Variants in CELF4 observed in about 807,000 individuals in gnomAD.
CELF4 encodes CUG-BP- and ETR-3-like factor 4.
In CELF4, 18 loss-of-function variants were observed where a neutral mutation model predicts 59.9. The observed-to-expected ratio is 0.30, with a 90% CI of 0.21 to 0.45. The LOEUF (loss-of-function observed/expected upper bound fraction) is 0.45, where lower values mean the gene tolerates loss of function less well. Ranked by LOEUF, CELF4 falls within the 20% of genes least tolerant of loss-of-function variation. CELF4 has a pLI of 1.00. For synonymous variants in CELF4, 261 were observed against 267.1 expected (o/e 0.98, Z 0.22); for missense variants, 456 against 689.0 (o/e 0.66, Z 3.79).
At chr18:37,408,495 G>GA (rs199898211) in intron 2 of CELF4, among the ~76,000 whole-genome samples, 76,196 of 122,052 alleles carry the variant, frequency 0.62, 25,563 homozygotes, top group South Asian at 0.86. Context: ...TTGGTGCCGG[G>GA]GGGGGGCGCG....
At chr18:37,552,165 A>T (rs1244326963) in intron 1 of CELF4, among the ~76,000 whole-genome samples, 1 of 152,214 alleles carries the variant, frequency 6.6e-6, no homozygotes, top group Non-Finnish European at 1.5e-5. Flanking sequence ...TACACGGGAC[A>T]GTTTTATGTT....
At chr18:37,360,147 C>T (rs374774360) in intron 2 of CELF4, among the ~76,000 whole-genome samples, 5 of 152,308 alleles carry the variant, frequency 3.3e-5, no homozygotes, top group African/African-American at 7.2e-5. Flanking sequence ...GCCACCATGC[C>T]GGGCATTTGT....
At chr18:37,501,469 T>C (rs1215673824) in intron 1 of CELF4, among the ~76,000 whole-genome samples, 1 of 152,154 alleles carries the variant, frequency 6.6e-6, no homozygotes, top group Non-Finnish European at 1.5e-5. Context: ...GGGTATCTGT[T>C]AATTGCTCAG....
At chr18:37,444,805 TC>T (rs1163311931) in intron 2 of CELF4, among the ~76,000 whole-genome samples, 1 of 151,972 alleles carries the variant, frequency 6.6e-6, no homozygotes, top group Non-Finnish European at 1.5e-5. Flanking sequence ...CCCTTCTGCC[TC>T]CCCGTACCTC....
intron 3 of CELF4, among the ~76,000 whole-genome samples, chr18:37,309,448 C>T (rs928555071): frequency 6.6e-6 from 1 of 152,142 alleles, no homozygotes; most frequent in Non-Finnish European, 1.5e-5. Context: ...CCCACTGGCT[C>T]TATTTACCTT....
rs1317617630 is a variant in CELF4, at chr18:37,490,823, G to A, written c.287-5216C>T. ...ACCCAAGTGATCCAGGGGCTCTCTG[G>A]GTGGTCTAGGACCTCACCCTGAGCT... is the stretch of plus-strand genomic sequence containing the variant. On this transcript the variant is annotated intron_variant, in intron 1 of 12. Coordinates refer to ENST00000420428, the MANE Select transcript of CELF4 (RefSeq NM_020180.4). Among the ~76,000 whole-genome samples the A allele has an allele frequency of 2.0e-5, 3 of 152,114 alleles. No individual in the cohort carries two copies. In the South Asian group the frequency reaches 6.2e-4, roughly 32 times the overall value.
intron 2 of CELF4, among the ~76,000 whole-genome samples, chr18:37,394,348 G>A (rs1218627938): frequency 6.6e-6 from 1 of 152,206 alleles, no homozygotes; most frequent in Non-Finnish European, 1.5e-5. Flanking sequence ...GCGTGCAGCC[G>A]CCGTGACCTT....
chr18:37,498,438 C>T (rs2099927686), intron 1 of CELF4, among the ~76,000 whole-genome samples: 1 of 146,122 alleles, frequency 6.8e-6, no homozygotes, highest in African/African-American at 2.5e-5. Flanking sequence ...CCCTCCCTTC[C>T]CCTTTCTTCC....
At chr18:37,510,489 G>C (rs1474719728) in intron 1 of CELF4, among the ~76,000 whole-genome samples, 1 of 152,210 alleles carries the variant, frequency 6.6e-6, no homozygotes, top group East Asian at 1.9e-4. Flanking sequence ...AGCCACAGAG[G>C]TTTCCCTCAC....
intron 2 of CELF4, among the ~76,000 whole-genome samples, chr18:37,410,132 A>G (rs1479228594): frequency 3.9e-5 from 6 of 152,110 alleles, no homozygotes; most frequent in Non-Finnish European, 2.9e-5. Flanking sequence ...CATGACAGGA[A>G]AAGGACAGAA....
In CELF4 at chr18:37,332,979, T is replaced by G. The variant is rs1211727209; in HGVS notation, c.370-11098A>C. Reference sequence around the variant, plus strand: ...CCTTGTGGTCTTAATTAAGATCTGCTGCCGTGGCAACCAAGCTAATTAGCC... The same window carrying G: ...CCTTGTGGTCTTAATTAAGATCTGCGGCCGTGGCAACCAAGCTAATTAGCC... On this transcript the variant is annotated intron_variant, in intron 2 of 12. Coordinates refer to ENST00000420428, the MANE Select transcript of CELF4 (RefSeq NM_020180.4). Among the ~76,000 whole-genome samples, 3 of 152,222 alleles carry G rather than the reference T, an allele frequency of 2.0e-5. No individual in the cohort carries two copies. In the East Asian group the frequency reaches 5.8e-4, roughly 29 times the overall value.
chr18:37,354,567 T>C (rs1201708355), intron 2 of CELF4, among the ~76,000 whole-genome samples: 1 of 152,242 alleles, frequency 6.6e-6, no homozygotes, highest in African/African-American at 2.4e-5. Context: ...ATGTATTCTC[T>C]CAGCAAACGC....
chr18:37,550,690 G>T (rs924382933), intron 1 of CELF4, among the ~76,000 whole-genome samples: 9 of 152,244 alleles, frequency 5.9e-5, no homozygotes, highest in African/African-American at 2.2e-4. Flanking sequence ...GCTGCAGCAG[G>T]GGAGGTGGAG....
chr18:37,297,042 C>A (rs993900776), intron 3 of CELF4, among the ~76,000 whole-genome samples: 17 of 152,004 alleles, frequency 1.1e-4, no homozygotes, highest in Admixed American at 8.5e-4. Context: ...ATGTTGACAG[C>A]GAGCAGGGAG....
chr18:37,461,380 G>A (rs2099793061), intron 2 of CELF4, among the ~76,000 whole-genome samples: 1 of 152,212 alleles, frequency 6.6e-6, no homozygotes, highest in South Asian at 2.1e-4. Flanking sequence ...GGAAGGGGAA[G>A]CAAACTCGTT....
intron 2 of CELF4, among the ~76,000 whole-genome samples, chr18:37,348,458 C>T (rs1218247374): frequency 2.0e-5 from 3 of 152,270 alleles, no homozygotes; most frequent in East Asian, 1.9e-4. Context: ...CAGGCGCTTC[C>T]GGGCACGGAC....
At chr18:37,337,576 T>A (rs1369944800) in intron 2 of CELF4, among the ~76,000 whole-genome samples, 1 of 152,176 alleles carries the variant, frequency 6.6e-6, no homozygotes, top group East Asian at 1.9e-4. Flanking sequence ...CCGGAGGGCC[T>A]GCGGAGGAAA....
At chr18:37,536,055 C>A (rs1360497172) in intron 1 of CELF4, among the ~76,000 whole-genome samples, 3 of 152,138 alleles carry the variant, frequency 2.0e-5, no homozygotes, top group African/African-American at 7.2e-5. Flanking sequence ...CAAGTTGCAT[C>A]CTGGGTGTCA....
At position 37,491,970 on chromosome 18, in the gene CELF4, T is replaced by C. The variant is rs182791571; in HGVS notation, c.287-6363A>G. 4.5e-3 allele frequency among the ~76,000 whole-genome samples: 683 copies of C among 152,298 alleles called. 5 individuals are homozygous for C. The highest frequency in any genetic ancestry group is 0.016 in the African/African-American group (656 of 41,558). ...GGAAGTACAATTTCCTGCCCAACTC[T>C]GAACAGGGCCGAAGCCTGGGGTGTA... On this transcript the variant is annotated intron_variant, in intron 1 of 12. Coordinates refer to ENST00000420428, the MANE Select transcript of CELF4 (RefSeq NM_020180.4).
Sources: gnomAD v4.1 joint callset for allele counts (sites outside exome capture counted in the v4.1 genomes callset) on GRCh38, gnomAD v4.1.1 for gene constraint, MANE v1.5 for transcripts, NCBI Gene and HGNC (gene_info 2026-07-23, HGNC 2026-07-21) for gene names.